Variants in ADARB2 observed in about 807,000 individuals in gnomAD.
ADARB2 encodes the protein adenosine deaminase RNA specific B2 (inactive), also known as inactive double-stranded RNA-specific editase B2.
Under a neutral mutation model 62.2 loss-of-function variants are expected in ADARB2, and 25 were observed. The observed-to-expected ratio is 0.40, with a 90% CI of 0.29 to 0.56. ADARB2 has a LOEUF of 0.56. Ranked by LOEUF, ADARB2 falls within the 20% of genes least tolerant of loss-of-function variation. The pLI is 0.43. For synonymous variants in ADARB2, 572 were observed against 500.8 expected, an observed-to-expected ratio of 1.14 and a Z score of -1.90; for missense variants, 1,071 against 1,077.4, an observed-to-expected ratio of 0.99 and a Z score of 0.08.
intron 3 of ADARB2, among the ~76,000 whole-genome samples, chr10:1,284,199 T>G (rs1168576690): frequency 6.6e-6 from 1 of 152,098 alleles, no homozygotes; most frequent in Non-Finnish European, 1.5e-5. Flanking sequence ...CACGTGAAGC[T>G]CAGACGTTAC....
chr10:1,590,840 C>T (rs886266078), intron 1 of ADARB2, among the ~76,000 whole-genome samples: 4 of 152,064 alleles, frequency 2.6e-5, no homozygotes, highest in East Asian at 1.9e-4. Context: ...GCACGGGAAA[C>T]GCAGTCAGTA....
At chr10:1,546,929 G>A (rs1316588807) in intron 1 of ADARB2, among the ~76,000 whole-genome samples, 1 of 152,260 alleles carries the variant, frequency 6.6e-6, no homozygotes, top group Non-Finnish European at 1.5e-5. Flanking sequence ...GGTCTGTGAA[G>A]TGCGAACACA....
At chr10:1,380,340 G>C (rs1038935877) in intron 1 of ADARB2, among the ~76,000 whole-genome samples, 1 of 152,258 alleles carries the variant, frequency 6.6e-6, no homozygotes, top group South Asian at 2.1e-4. Context: ...TGCTAAGTGG[G>C]ATTCTTCCCT....
chr10:1,642,860 G>C (rs891515103), intron 1 of ADARB2, among the ~76,000 whole-genome samples: 2 of 152,162 alleles, frequency 1.3e-5, no homozygotes, highest in African/African-American at 4.8e-5. Flanking sequence ...TGAACTGCAG[G>C]CAGGTATGTT....
chr10:1,565,315 A>T (rs572173525), intron 1 of ADARB2, among the ~76,000 whole-genome samples: 1 of 152,196 alleles, frequency 6.6e-6, no homozygotes, highest in Non-Finnish European at 1.5e-5. Context: ...TTCCAGGAAA[A>T]ATCATTGCCT....
chr10:1,731,786 A>G (rs1000527018), intron 1 of ADARB2, among the ~76,000 whole-genome samples: 6 of 152,312 alleles, frequency 3.9e-5, no homozygotes, highest in African/African-American at 1.2e-4. Flanking sequence ...TATCCTAACC[A>G]CAGAGACGGC....
intron 1 of ADARB2, among the ~76,000 whole-genome samples, chr10:1,434,149 T>C (rs893171390): frequency 4.6e-5 from 7 of 152,190 alleles, no homozygotes; most frequent in African/African-American, 1.7e-4. Context: ...TAACGAGAGA[T>C]TTAAAATAAC....
intron 1 of ADARB2, among the ~76,000 whole-genome samples, chr10:1,402,021 A>G (rs1375300424): frequency 6.6e-6 from 1 of 152,144 alleles, no homozygotes; most frequent in Non-Finnish European, 1.5e-5. Context: ...CTCTCTCATG[A>G]CCTTGGAACT....
intron 1 of ADARB2, among the ~76,000 whole-genome samples, chr10:1,416,581 C>T (rs1832804009): frequency 6.6e-6 from 1 of 152,222 alleles, no homozygotes; most frequent in Non-Finnish European, 1.5e-5. Context: ...TGGCTGGGAT[C>T]CAGGAAAGGC....
intron 1 of ADARB2, among the ~76,000 whole-genome samples, chr10:1,705,935 C>T (rs11250751): frequency 0.079 from 12,076 of 152,224 alleles, 725 homozygotes; most frequent in Admixed American, 0.19. Flanking sequence ...AAACACTTCA[C>T]GGTGAATTAC....
chr10:1,708,358 T>A (rs145977471), intron 1 of ADARB2, among the ~76,000 whole-genome samples: 26 of 152,264 alleles, frequency 1.7e-4, no homozygotes, highest in African/African-American at 6.3e-4. Context: ...CAAGCCTTGG[T>A]CTGAGAAGCC....
At chr10:1,296,345 G>T (rs1189406466) in intron 3 of ADARB2, among the ~76,000 whole-genome samples, 3 of 152,154 alleles carry the variant, frequency 2.0e-5, no homozygotes, top group Non-Finnish European at 4.4e-5. Flanking sequence ...CAGGAAGTCT[G>T]TACTAAAGCT....
At chr10:1,617,566 G>A (rs1393655508) in intron 1 of ADARB2, among the ~76,000 whole-genome samples, 1 of 148,234 alleles carries the variant, frequency 6.7e-6, no homozygotes, top group Non-Finnish European at 1.5e-5. Flanking sequence ...CTAGATGTTT[G>A]TGTGCCTCTC....
At chr10:1,442,327 C>T (rs1179342399) in intron 1 of ADARB2, among the ~76,000 whole-genome samples, 1 of 152,212 alleles carries the variant, frequency 6.6e-6, no homozygotes, top group Non-Finnish European at 1.5e-5. Flanking sequence ...GTGTCCCCAC[C>T]ACTAAGCATC....
intron 3 of ADARB2, among the ~76,000 whole-genome samples, chr10:1,284,685 C>A (rs1831397645): frequency 6.6e-6 from 1 of 152,222 alleles, no homozygotes; most frequent in Non-Finnish European, 1.5e-5. Flanking sequence ...GGGGTTGTTT[C>A]AGGTCTGAAT....
At chr10:1,326,984 G>T (rs371561609) in intron 3 of ADARB2, among the ~76,000 whole-genome samples, 164 of 3,952 alleles carry the variant, frequency 0.041, 5 homozygotes, top group African/African-American at 0.06. Flanking sequence ...GCCTCCCCAC[G>T]GCCCAGCGCC....
In ADARB2 at chr10:1,336,737, T is replaced by C. The variant is rs374565243; in HGVS notation, c.1077+26291A>G. On this transcript the variant is annotated intron_variant, in intron 3 of 9. Transcript: ENST00000381312. The stretch of plus-strand genomic sequence containing the variant: ...CTTCTCTGCAGAAAGTGTTACGCTT[T>C]CTTAGTCCACTGAGGACTCCCTGTG... Among the ~76,000 whole-genome samples, 15 of 152,182 alleles carry C rather than the reference T, an allele frequency of 9.9e-5. No individual in the cohort carries two copies. The East Asian group carries it at 2.3e-3, about 23-fold the overall frequency.
intron 1 of ADARB2, among the ~76,000 whole-genome samples, chr10:1,709,803 G>T (rs936995481): frequency 6.6e-6 from 1 of 152,164 alleles, no homozygotes; most frequent in African/African-American, 2.4e-5. Flanking sequence ...ACCTCAACCA[G>T]ACAACTACCT....
intron 1 of ADARB2, among the ~76,000 whole-genome samples, chr10:1,643,706 G>C (rs1055469229): frequency 6.6e-6 from 1 of 152,124 alleles, no homozygotes; most frequent in African/African-American, 2.4e-5. Context: ...GACCACAAAG[G>C]TCCCTTCCAG....
Sources: gnomAD v4.1 joint callset for allele counts (sites outside exome capture counted in the v4.1 genomes callset) on GRCh38, gnomAD v4.1.1 for gene constraint, MANE v1.5 for transcripts, NCBI Gene and HGNC (gene_info 2026-07-23, HGNC 2026-07-21) for gene names.